Variants in EBF1 observed in about 807,000 individuals in gnomAD.
EBF1 encodes EBF transcription factor 1.
In EBF1, 10 loss-of-function variants were observed where a neutral mutation model predicts 68.4. The ratio of observed to expected loss-of-function variants is 0.15; its 90% CI spans 0.09 to 0.25. The LOEUF is 0.25. EBF1 is among the 10% of genes least tolerant of loss of function. The pLI is 1.00. For missense variants in EBF1, 509 were observed against 794.4 expected (o/e 0.64, Z 4.32); for synonymous variants, 298 against 299.8 (o/e 0.99, Z 0.06).
chr5:158,746,135 G>A (rs916045504), intron 10 of EBF1, among the ~76,000 whole-genome samples: 3 of 152,164 alleles, frequency 2.0e-5, no homozygotes, highest in African/African-American at 7.2e-5. Flanking sequence ...GCTGCAAATG[G>A]TTCTCCTAAG....
chr5:158,872,996 A>ATTTTTTTTTTT lies in EBF1; in HGVS notation c.555-32897_555-32887dup, dbSNP rs539493620. Among the ~76,000 whole-genome samples the ATTTTTTTTTTT allele has an allele frequency of 2.3e-4, 19 of 81,104 alleles. 1 individual carries two copies. Among genetic ancestry groups the ATTTTTTTTTTT allele is most frequent in the African/African-American group, 4.0e-4 (8 of 20,110 alleles). 53.2% of individuals were successfully genotyped at this position (81,104 alleles called of 152,430 possible). ...GGCTCTTCAGTCAAGAATGACACTA[A>ATTTTTTTTTTT]TTTTTTTTTTTTTTTTTTTTTTTTT... is the stretch of plus-strand genomic sequence containing the variant. On this transcript the variant is annotated intron_variant, in intron 6 of 15. Coordinates refer to ENST00000313708, the MANE Select transcript of EBF1 (RefSeq NM_024007.5).
At chr5:158,889,199 G>A (rs531703376) in intron 6 of EBF1, among the ~76,000 whole-genome samples, 21 of 152,140 alleles carry the variant, frequency 1.4e-4, no homozygotes, top group Admixed American at 2.6e-4. Flanking sequence ...CTGGCCTATG[G>A]TAAGCATTCA....
At chr5:158,921,676 G>A (rs988275063) in intron 6 of EBF1, among the ~76,000 whole-genome samples, 1 of 152,188 alleles carries the variant, frequency 6.6e-6, no homozygotes, top group Non-Finnish European at 1.5e-5. Flanking sequence ...TTACCAGCCG[G>A]AGCTTGTAGA....
chr5:159,095,416 ACG>A (rs1782418027), intron 4 of EBF1, among the ~76,000 whole-genome samples: 2 of 151,994 alleles, frequency 1.3e-5, no homozygotes, highest in African/African-American at 2.4e-5. Context: ...CCTTGGAGGG[ACG>A]CGCGCGCGTC....
intron 6 of EBF1, among the ~76,000 whole-genome samples, chr5:158,926,117 A>C (rs1215780585): frequency 6.6e-6 from 1 of 152,204 alleles, no homozygotes; most frequent in African/African-American, 2.4e-5. Flanking sequence ...CTTTAATATA[A>C]GGGTTATATT....
intron 9 of EBF1, among the ~76,000 whole-genome samples, chr5:158,790,756 G>T (rs986063009): frequency 2.0e-5 from 3 of 152,272 alleles, no homozygotes; most frequent in Middle Eastern, 3.4e-3. Context: ...ACACTGTGGC[G>T]TAAGTCTCAG....
chr5:158,991,165 CT>C (rs1760246099), intron 6 of EBF1, among the ~76,000 whole-genome samples: 1 of 152,222 alleles, frequency 6.6e-6, no homozygotes, highest in African/African-American at 2.4e-5. Flanking sequence ...ATCCCTACCC[CT>C]GGCACTAATG....
At chr5:158,722,029 T>C (rs1762038290) in intron 11 of EBF1, among the ~76,000 whole-genome samples, 1 of 152,082 alleles carries the variant, frequency 6.6e-6, no homozygotes, top group African/African-American at 2.4e-5. Context: ...CCTTGTTGAC[T>C]ATGACCTGCT....
chr5:158,810,861 G>T (rs760185748), intron 8 of EBF1, among the ~76,000 whole-genome samples: 1 of 152,064 alleles, frequency 6.6e-6, no homozygotes, highest in Non-Finnish European at 1.5e-5. Context: ...GCCCATGTTA[G>T]TGCTTCTGTT....
At chr5:158,721,082 C>G (rs1167810087) in intron 11 of EBF1, among the ~76,000 whole-genome samples, 2 of 152,104 alleles carry the variant, frequency 1.3e-5, no homozygotes, top group East Asian at 3.9e-4. Context: ...GCTATTAATA[C>G]CAAAGGCCAA....
At chr5:158,754,295 G>A (rs1159135749) in intron 10 of EBF1, among the ~76,000 whole-genome samples, 2 of 152,062 alleles carry the variant, frequency 1.3e-5, no homozygotes, top group African/African-American at 4.8e-5. Flanking sequence ...TAAATCTTTG[G>A]TGTTGGTGAA....
chr5:159,005,138 C>G (rs1339166215), intron 6 of EBF1, among the ~76,000 whole-genome samples: 1 of 152,132 alleles, frequency 6.6e-6, no homozygotes, highest in Non-Finnish European at 1.5e-5. Context: ...CAGAACATCC[C>G]ACAAGGGAGG....
intron 10 of EBF1, among the ~76,000 whole-genome samples, chr5:158,765,663 T>C (rs1772502433): frequency 6.6e-6 from 1 of 152,148 alleles, no homozygotes; most frequent in Admixed American, 6.6e-5. Flanking sequence ...GGGAAGTCGC[T>C]CTTCTGTTGT....
intron 5 of EBF1, among the ~76,000 whole-genome samples, chr5:159,078,440 T>C: frequency 6.6e-6 from 1 of 152,196 alleles, no homozygotes; most frequent in African/African-American, 2.4e-5. Flanking sequence ...ACAGTGTTAA[T>C]AAAAGAAATC....
chr5:159,094,520 T>C (rs1782229863), intron 4 of EBF1, among the ~76,000 whole-genome samples: 1 of 152,216 alleles, frequency 6.6e-6, no homozygotes, highest in African/African-American at 2.4e-5. Flanking sequence ...AATGTGACAT[T>C]TCTACCACAT....
At chr5:158,802,919 T>C (rs1780874765) in intron 8 of EBF1, among the ~76,000 whole-genome samples, 2 of 152,118 alleles carry the variant, frequency 1.3e-5, no homozygotes, top group Non-Finnish European at 1.5e-5. Flanking sequence ...CTCTCATCAG[T>C]TCAGATTATG....
chr5:159,025,512 T>C (rs1438539658), intron 6 of EBF1, among the ~76,000 whole-genome samples: 6 of 152,236 alleles, frequency 3.9e-5, no homozygotes, highest in Non-Finnish European at 8.8e-5. Context: ...TGCTGATTTA[T>C]CCACACCGCT....
intron 6 of EBF1, among the ~76,000 whole-genome samples, chr5:158,930,102 A>G (rs550393938): frequency 6.6e-6 from 1 of 152,254 alleles, no homozygotes; most frequent in East Asian, 1.9e-4. Context: ...GATAAAATTC[A>G]TTACCATAAG....
rs1395659937 is a variant in EBF1, at chr5:158,698,269, G to A, written c.*842C>T. 4.5e-6 allele frequency: 1 copy of A among 221,140 alleles called. No homozygotes were observed. Among genetic ancestry groups the A allele is most frequent in the Non-Finnish European group, 9.1e-6 (1 of 110,426 alleles). 13.7% of individuals were successfully genotyped at this position (221,140 alleles called of 1,614,324 possible). A position where few individuals can be genotyped will look rare whatever the true frequency, so the allele number is the denominator to read the frequency against. On this transcript the variant is annotated 3_prime_UTR_variant, in exon 16 of 16. Coordinates refer to ENST00000313708, the MANE Select transcript of EBF1 (RefSeq NM_024007.5). ...CTCAAAGGAGATTCTCACACAGTAT[G>A]TGTGCCACCAAGCTCTCGAGAGGCC...
Sources: gnomAD v4.1 joint callset for allele counts (sites outside exome capture counted in the v4.1 genomes callset) on GRCh38, gnomAD v4.1.1 for gene constraint, MANE v1.5 for transcripts, NCBI Gene and HGNC (gene_info 2026-07-23, HGNC 2026-07-21) for gene names.